Variants in SLIT3 observed in about 807,000 individuals in gnomAD.
SLIT3 encodes slit homolog 3 protein.
SLIT3 carries 68 observed loss-of-function variants against 184.0 expected under a neutral mutation model. That is an observed-to-expected ratio of 0.37 (90% confidence interval 0.30 to 0.45). The LOEUF (loss-of-function observed/expected upper bound fraction) is 0.45, where lower values mean the gene tolerates loss of function less well. SLIT3 is among the 20% of genes least tolerant of loss of function. The pLI is 1.00. For synonymous variants in SLIT3, 831 were observed against 828.6 expected (o/e 1.00, Z -0.05); for missense variants, 1,707 against 2,026.0 (o/e 0.84, Z 3.02).
intron 3 of SLIT3, among the ~76,000 whole-genome samples, chr5:169,238,529 G>A (rs531512903): frequency 3.5e-5 from 5 of 143,460 alleles, no homozygotes; most frequent in African/African-American, 1.3e-4. Flanking sequence ...TTTTAGAATG[G>A]AGCAGTGAAA....
intron 4 of SLIT3, among the ~76,000 whole-genome samples, chr5:169,113,658 CTTTTTTT>C (rs869209479): frequency 7.6e-6 from 1 of 131,422 alleles, no homozygotes; most frequent in Admixed American, 7.9e-5. Context: ...TTTTCTTTTT[CTTTTTTT>C]TTTTTTTTTG....
At chr5:169,046,988 T>TAC (rs1322413067) in intron 4 of SLIT3, among the ~76,000 whole-genome samples, 5 of 152,156 alleles carry the variant, frequency 3.3e-5, no homozygotes, top group Non-Finnish European at 7.3e-5. Context: ...AGTAAAGACA[T>TAC]ACTAATTCTG....
rs1561771309 is a variant in SLIT3, at chr5:169,258,330, G to C, written c.198-6871C>G. Among the ~76,000 whole-genome samples, 2 of 152,072 alleles carry C rather than the reference G, an allele frequency of 1.3e-5. 1 individual carries two copies. Among genetic ancestry groups the C allele is most frequent in the Non-Finnish European group, 2.9e-5 (2 of 68,010 alleles). ...AATAAATGCACAAACAAACATAATA[G>C]AATTTCCCACTCCCGTGCCTTGGAG... On this transcript the variant is annotated intron_variant, in intron 1 of 35. Coordinates refer to ENST00000519560, the MANE Select transcript of SLIT3 (RefSeq NM_003062.4).
chr5:168,990,757 G>T (rs146399801), intron 4 of SLIT3, among the ~76,000 whole-genome samples: 182 of 152,304 alleles, frequency 1.2e-3, no homozygotes, highest in African/African-American at 4.2e-3. Context: ...TCTTGGGTGG[G>T]TTAGTAATGT....
At chr5:168,866,387 T>G (rs1015439501) in intron 5 of SLIT3, among the ~76,000 whole-genome samples, 1 of 152,232 alleles carries the variant, frequency 6.6e-6, no homozygotes, top group African/African-American at 2.4e-5. Flanking sequence ...ACTGTCATAA[T>G]GTGGGACCTC....
At position 168,760,904 on chromosome 5, in the gene SLIT3, T is replaced by C; in HGVS notation, c.1643A>G (p.Glu548Gly). ...CAACTTCTTGAAGATGCCAGTGGCC[T>C]CCAGAACAGATACCTCATTGTCATT... ...RLNDNEVSVL[E>G]ATGIFKKLPN... Residue 548 changes from glutamate (E) to glycine (G), a missense_variant, in exon 16 of 36, where the codon GAG (glutamate) becomes GGG (glycine). Coordinates refer to ENST00000519560, the MANE Select transcript of SLIT3 (RefSeq NM_003062.4). 6.2e-7 allele frequency: 1 copy of C among 1,613,990 alleles called. No individual in the cohort carries two copies. The highest frequency in any genetic ancestry group is 8.5e-7 in the Non-Finnish European group (1 of 1,179,894).
intron 4 of SLIT3, among the ~76,000 whole-genome samples, chr5:168,955,451 C>T (rs564179897): frequency 1.3e-5 from 2 of 152,316 alleles, no homozygotes; most frequent in Non-Finnish European, 2.9e-5. Flanking sequence ...TTCCTCACCA[C>T]CAACAGGCTC....
At chr5:169,155,434 C>A (rs984915704) in intron 4 of SLIT3, among the ~76,000 whole-genome samples, 2 of 152,168 alleles carry the variant, frequency 1.3e-5, no homozygotes, top group Non-Finnish European at 2.9e-5. Flanking sequence ...AACCCCACTG[C>A]CCCACAAGCT....
intron 3 of SLIT3, among the ~76,000 whole-genome samples, chr5:169,226,566 T>C (rs768571066): frequency 6.6e-6 from 1 of 152,042 alleles, no homozygotes. Flanking sequence ...CTGATAATAG[T>C]CCCCACCTTG....
chr5:168,974,666 G>A (rs761254950), intron 4 of SLIT3, among the ~76,000 whole-genome samples: 2 of 152,160 alleles, frequency 1.3e-5, no homozygotes, highest in Non-Finnish European at 2.9e-5. Flanking sequence ...AGGAGGGGTG[G>A]CCCTTTAAAG....
intron 5 of SLIT3, among the ~76,000 whole-genome samples, chr5:168,875,920 T>A (rs1759714604): frequency 6.6e-6 from 1 of 152,126 alleles, no homozygotes; most frequent in African/African-American, 2.4e-5. Flanking sequence ...ATTCTGAACC[T>A]GACACTCTCA....
intron 16 of SLIT3, among the ~76,000 whole-genome samples, chr5:168,757,518 C>G (rs1000526968): frequency 6.6e-6 from 1 of 152,134 alleles, no homozygotes; most frequent in African/African-American, 2.4e-5. Context: ...ACTGGAAGCT[C>G]CGCCTCCCAG....
At chr5:168,692,000 G>A (rs1761921587) in intron 29 of SLIT3, among the ~76,000 whole-genome samples, 2 of 152,278 alleles carry the variant, frequency 1.3e-5, no homozygotes, top group African/African-American at 4.8e-5. Context: ...TCTGACCTGA[G>A]GCAGCCTCTC....
intron 2 of SLIT3, among the ~76,000 whole-genome samples, chr5:169,245,200 G>A (rs1418073535): frequency 6.6e-6 from 1 of 152,134 alleles, no homozygotes; most frequent in Admixed American, 6.6e-5. Context: ...TAGAAAGGGT[G>A]AGGCTATTGT....
At chr5:169,091,765 G>T (rs116469090) in intron 4 of SLIT3, among the ~76,000 whole-genome samples, 1 of 152,182 alleles carries the variant, frequency 6.6e-6, no homozygotes, top group Admixed American at 6.5e-5. Context: ...GCCTCGTGGC[G>T]AAGCTGGACC....
chr5:169,139,364 G>A (rs762898636), intron 4 of SLIT3, among the ~76,000 whole-genome samples: 9 of 152,298 alleles, frequency 5.9e-5, no homozygotes, highest in East Asian at 1.9e-4. Context: ...AATTTACTAC[G>A]CATCAAGTTT....
chr5:168,906,180 C>G (rs1248403368), intron 4 of SLIT3, among the ~76,000 whole-genome samples: 1 of 152,184 alleles, frequency 6.6e-6, no homozygotes, highest in Non-Finnish European at 1.5e-5. Context: ...AAAAGAAAAT[C>G]TGAACATACC....
chr5:168,764,670 T>C (rs1344571019), intron 14 of SLIT3, among the ~76,000 whole-genome samples: 1 of 152,184 alleles, frequency 6.6e-6, no homozygotes, highest in Non-Finnish European at 1.5e-5. Flanking sequence ...TGACACTACC[T>C]ACCTAAGACA....
At chr5:169,256,801 G>A (rs1211068236) in intron 1 of SLIT3, among the ~76,000 whole-genome samples, 2 of 152,126 alleles carry the variant, frequency 1.3e-5, no homozygotes, top group African/African-American at 4.8e-5. Context: ...GAAGGCTCCC[G>A]AGTTATTGTG....
Sources: gnomAD v4.1 joint callset for allele counts (sites outside exome capture counted in the v4.1 genomes callset) on GRCh38, gnomAD v4.1.1 for gene constraint, MANE v1.5 for transcripts, NCBI Gene and HGNC (gene_info 2026-07-23, HGNC 2026-07-21) for gene names.